Variants in ZNF540 observed in about 807,000 individuals in gnomAD.
ZNF540 encodes the protein CTD-3064H18.6.
In ZNF540, 3 loss-of-function variants were observed where a neutral mutation model predicts 11.8. The observed-to-expected ratio is 0.25, with a 90% CI of 0.12 to 0.65. ZNF540 has a LOEUF of 0.65. ZNF540 is among the 30% of genes least tolerant of loss of function. The pLI is 0.83. For synonymous variants in ZNF540, 247 were observed against 259.0 expected, an observed-to-expected ratio of 0.95 and a Z score of 0.45; for missense variants, 709 against 793.1, an observed-to-expected ratio of 0.89 and a Z score of 1.27.
intron 1 of ZNF540, among the ~76,000 whole-genome samples, chr19:37,552,692 A>C (rs2042618368): frequency 1.3e-5 from 2 of 152,182 alleles, no homozygotes; most frequent in Non-Finnish European, 2.9e-5. Context: ...TCATGCCTGT[A>C]ATCCTAGCAC....
chr19:37,590,135 G>A (rs555618150), upstream of ZNF540, among the ~76,000 whole-genome samples: 43 of 151,924 alleles, frequency 2.8e-4, no homozygotes, highest in East Asian at 2.3e-3. Context: ...CTGGGCATGC[G>A]GTGGCTCATG....
At chr19:37,579,512 A>G (rs943423883) in intron 1 of ZNF540, among the ~76,000 whole-genome samples, 1 of 151,972 alleles carries the variant, frequency 6.6e-6, no homozygotes, top group African/African-American at 2.4e-5. Context: ...TATTCAATAA[A>G]TGGTGCTGGG....
intron 3 of ZNF540, 124 bp from the exon 4 acceptor site, chr19:37,600,886 C>CA: frequency 1.3e-6 from 1 of 761,668 alleles, no homozygotes; most frequent in Non-Finnish European, 2.1e-6. Context: ...TTAATCCTGT[C>CA]AGTTTTTTCC....
chr19:37,568,405 TTTTG>T (rs1270524300), intron 1 of ZNF540, among the ~76,000 whole-genome samples: 4 of 150,736 alleles, frequency 2.7e-5, no homozygotes, highest in African/African-American at 9.8e-5. Context: ...TAGACCCTGC[TTTTG>T]TTTCTTTCAT....
chr19:37,579,521 G>T (rs2043371489), intron 1 of ZNF540, among the ~76,000 whole-genome samples: 1 of 150,756 alleles, frequency 6.6e-6, no homozygotes, highest in Non-Finnish European at 1.5e-5. Context: ...AATGGTGCTG[G>T]GATAACTGGC....
At chr19:37,553,924 C>T (rs541612450) in intron 1 of ZNF540, among the ~76,000 whole-genome samples, 148 of 152,282 alleles carry the variant, frequency 9.7e-4, no homozygotes, top group African/African-American at 3.4e-3. Flanking sequence ...AATTTCCATT[C>T]GTATGTATGA....
At chr19:37,586,367 G>T in intron 1 of ZNF540, 1 of 348,516 alleles carries the variant, frequency 2.9e-6, no homozygotes, top group East Asian at 4.9e-5. Flanking sequence ...ACCAAACCGT[G>T]GTACTAATGT....
intron 1 of ZNF540, among the ~76,000 whole-genome samples, chr19:37,589,605 G>A (rs1036022143): frequency 5.3e-5 from 8 of 151,922 alleles, no homozygotes; most frequent in African/African-American, 1.2e-4. Flanking sequence ...GATCCTACTG[G>A]ACTAAGTTCC....
intron 1 of ZNF540, chr19:37,555,378 A>C (rs1381652806): frequency 1.3e-5 from 2 of 158,386 alleles, no homozygotes; most frequent in Middle Eastern, 3.1e-3. Flanking sequence ...ATTAAGATAC[A>C]TAAGTTTGAC....
At chr19:37,575,526 T>A (rs2043213837) in intron 1 of ZNF540, 1 of 152,250 alleles carries the variant, frequency 6.6e-6, no homozygotes, top group Admixed American at 6.5e-5. Flanking sequence ...TCTTTAGTAC[T>A]AAGCTTCAAG....
intron 1 of ZNF540, among the ~76,000 whole-genome samples, chr19:37,559,937 G>A (rs185659822): frequency 1.3e-5 from 2 of 152,228 alleles, no homozygotes; most frequent in Non-Finnish European, 2.9e-5. Flanking sequence ...AAATAAACAC[G>A]AAAGTTTTAA....
At chr19:37,567,515 C>G (rs2042902138) in intron 1 of ZNF540, 2 of 152,168 alleles carry the variant, frequency 1.3e-5, no homozygotes, top group African/African-American at 4.8e-5. Context: ...TTCAACGTAC[C>G]TTTTAAGCCT....
At position 37,552,260 on chromosome 19, in the gene ZNF540, C is replaced by T. The variant is rs184899610; in HGVS notation, c.-73+595C>T. On this transcript the variant is annotated intron_variant, in intron 1 of 4. Coordinates refer to the ZNF540 transcript ENST00000592533. ...GAAAACAGATTTTCTGATTTCAATCCTTTTCAATATATTGACAATTTATGG... is the reference window on the plus strand; with the variant it reads ...GAAAACAGATTTTCTGATTTCAATCTTTTTCAATATATTGACAATTTATGG... Among the ~76,000 whole-genome samples the T allele has an allele frequency of 3.3e-5, 5 of 152,200 alleles. No individual in the cohort carries two copies. The East Asian group carries it at 9.7e-4, about 29-fold the overall frequency.
At chr19:37,606,627 T>C (rs1351897801) in intron 4 of ZNF540, among the ~76,000 whole-genome samples, 3 of 152,194 alleles carry the variant, frequency 2.0e-5, no homozygotes, top group African/African-American at 7.2e-5. Context: ...CCAGTGTGTG[T>C]GTAGTGGTAT....
At chr19:37,611,301 A>C in intron 4 of ZNF540, 5 of 353,852 alleles carry the variant, frequency 1.4e-5, no homozygotes, top group Non-Finnish European at 2.5e-5. Flanking sequence ...TGCTGAGATT[A>C]CAGGCATGAG....
rs1171148744 is a variant in ZNF540 at position 37,565,982 on chromosome 19, C to T, written c.-73+14317C>T. The T allele has an allele frequency of 5.6e-6, 9 of 1,613,706 alleles. No homozygotes were observed. The Admixed American group carries it at 1.2e-4, about 21-fold the overall frequency. On this transcript the variant is annotated intron_variant, in intron 1 of 4. Coordinates refer to the ZNF540 transcript ENST00000592533. ...ATGTTGAATAAGGCATGACAGGTAG[C>T]TGAAACCTTGTCTGCATTCCTTACA...
intron 1 of ZNF540, chr19:37,565,743 C>T (rs2042832827): frequency 6.2e-7 from 1 of 1,613,700 alleles, no homozygotes; most frequent in Admixed American, 1.7e-5. Flanking sequence ...AAAGCTTTCC[C>T]ACATGCGTTA....
chr19:37,556,087 A>C, intron 1 of ZNF540: 1 of 702,654 alleles, frequency 1.4e-6, no homozygotes, highest in African/African-American at 1.7e-5. Flanking sequence ...GAGTGTCCAA[A>C]TCCTGCTGCA....
At chr19:37,595,236 G>T (rs1220201212) in intron 1 of ZNF540, 141 bp downstream of exon 1, 2 of 152,484 alleles carry the variant, frequency 1.3e-5, no homozygotes, top group African/African-American at 4.8e-5. Context: ...GGGTCTGTGC[G>T]CGCGCGTGTC....
Sources: gnomAD v4.1 joint callset for allele counts (sites outside exome capture counted in the v4.1 genomes callset) on GRCh38, gnomAD v4.1.1 for gene constraint, MANE v1.5 for transcripts, NCBI Gene and HGNC (gene_info 2026-07-23, HGNC 2026-07-21) for gene names.